KSR2: variants seen among roughly 807,000 people sequenced by gnomAD.
The protein encoded by KSR2 is kinase suppressor of ras 2.
KSR2 carries 25 observed loss-of-function variants against 107.8 expected under a neutral mutation model. That is an observed-to-expected ratio of 0.23 (90% CI 0.17 to 0.32). The LOEUF is 0.32. Among genes scored for constraint, KSR2 ranks in the 10% least tolerant of loss-of-function variants. The pLI, the probability that KSR2 is intolerant of heterozygous loss-of-function variation, is 1.00. For synonymous variants in KSR2, 480 were observed against 507.0 expected (o/e 0.95, Z 0.71); for missense variants, 887 against 1,268.9 (o/e 0.70, Z 4.57).
In KSR2 at chr12:117,855,415, G is replaced by A. The variant is rs12316128; in HGVS notation, c.472+13C>T. On this transcript the variant is annotated intron_variant, in intron 3 of 19. Transcript: ENST00000339824. ...GACAAGTCTCCACATCCCCGACCCC[G>A]GGGCCTGCTCACCTGACATGTGGAC... The A allele has an allele frequency of 2.5e-3, 3,978 of 1,613,864 alleles. 93 individuals are homozygous for A. The African/African-American group carries it at 0.047, about 19-fold the overall frequency.
intron 14 of KSR2, among the ~76,000 whole-genome samples, chr12:117,498,184 A>G (rs1356564862): frequency 6.6e-6 from 1 of 152,174 alleles, no homozygotes; most frequent in Non-Finnish European, 1.5e-5. Context: ...TAAGCTCGCC[A>G]GGAAAAGATG....
chr12:117,809,275 A>G (rs1891111702), intron 3 of KSR2, among the ~76,000 whole-genome samples: 3 of 152,058 alleles, frequency 2.0e-5, no homozygotes, highest in Admixed American at 1.3e-4. Context: ...AGGTTTCTCA[A>G]CTTTGACATT....
At chr12:117,820,124 A>G (rs1891512799) in intron 3 of KSR2, among the ~76,000 whole-genome samples, 1 of 152,258 alleles carries the variant, frequency 6.6e-6, no homozygotes, top group Non-Finnish European at 1.5e-5. Flanking sequence ...AATATCAAAA[A>G]GAGAAATGTT....
intron 9 of KSR2, among the ~76,000 whole-genome samples, chr12:117,549,378 TG>T (rs372374471): frequency 2.0e-5 from 3 of 152,126 alleles, no homozygotes; most frequent in African/African-American, 7.2e-5. Flanking sequence ...TTGAACTTGC[TG>T]GAAAATTTCA....
intron 3 of KSR2, among the ~76,000 whole-genome samples, chr12:117,764,690 C>T (rs1746386181): frequency 6.6e-6 from 1 of 152,188 alleles, no homozygotes; most frequent in Non-Finnish European, 1.5e-5. Context: ...CACATTAGCC[C>T]AGTGAGTAAG....
At chr12:117,499,912 A>T (rs150267108) in intron 14 of KSR2, among the ~76,000 whole-genome samples, 3 of 152,264 alleles carry the variant, frequency 2.0e-5, no homozygotes, top group Non-Finnish European at 4.4e-5. Flanking sequence ...GGCTGAGGAC[A>T]CTGGGAGGAG....
chr12:117,826,372 C>T (rs140934327), intron 3 of KSR2, among the ~76,000 whole-genome samples: 1 of 152,142 alleles, frequency 6.6e-6, no homozygotes, highest in Non-Finnish European at 1.5e-5. Flanking sequence ...GCTGTGGCAA[C>T]GTCCTGTTCC....
chr12:117,852,247 A>T (rs1205082570), intron 3 of KSR2, among the ~76,000 whole-genome samples: 1 of 149,226 alleles, frequency 6.7e-6, no homozygotes, highest in Non-Finnish European at 1.5e-5. Flanking sequence ...ACACGGTGAA[A>T]CCTCGTCTCT....
intron 4 of KSR2, among the ~76,000 whole-genome samples, chr12:117,705,356 G>A (rs570578106): frequency 6.6e-6 from 1 of 152,332 alleles, no homozygotes; most frequent in South Asian, 2.1e-4. Context: ...TTCTGGTTAT[G>A]CAGCAGGCCC....
intron 4 of KSR2, among the ~76,000 whole-genome samples, chr12:117,728,284 G>C (rs1367719013): frequency 6.6e-6 from 1 of 152,154 alleles, no homozygotes; most frequent in East Asian, 1.9e-4. Context: ...ATAAAGATAA[G>C]GGGCAAATAA....
intron 10 of KSR2, among the ~76,000 whole-genome samples, chr12:117,538,973 C>G (rs1876256215): frequency 1.3e-5 from 2 of 151,930 alleles, no homozygotes; most frequent in Admixed American, 6.6e-5. Context: ...TCTCGTCTAC[C>G]TGAAGGAAAA....
chr12:117,587,258 T>C (rs1334589405), intron 5 of KSR2, among the ~76,000 whole-genome samples: 1 of 152,134 alleles, frequency 6.6e-6, no homozygotes, highest in East Asian at 1.9e-4. Context: ...GATCTTGAGA[T>C]GGAGAAGTTA....
At chr12:117,599,382 T>C (rs1880814103) in intron 5 of KSR2, among the ~76,000 whole-genome samples, 2 of 152,216 alleles carry the variant, frequency 1.3e-5, no homozygotes, top group African/African-American at 4.8e-5. Flanking sequence ...CGTCAATTGC[T>C]GGATTCCTCC....
chr12:117,674,231 C>T, intron 4 of KSR2: 1 of 480,146 alleles, frequency 2.1e-6, no homozygotes, highest in Non-Finnish European at 4.2e-6. Flanking sequence ...GAGTTCATTA[C>T]TCTCCATCTC....
chr12:117,749,186 A>G (rs903280101), intron 4 of KSR2, among the ~76,000 whole-genome samples: 1 of 129,610 alleles, frequency 7.7e-6, no homozygotes. Context: ...TGACATGGGA[A>G]GCCCTCGGTG....
At chr12:117,825,923 A>ATGGGTGGG in intron 3 of KSR2, among the ~76,000 whole-genome samples, 1 of 58,318 alleles carries the variant, frequency 1.7e-5, no homozygotes, top group Non-Finnish European at 3.2e-5. Flanking sequence ...GGATGGGTGG[A>ATGGGTGGG]TGGGTGGGTG....
At chr12:117,703,435 G>T (rs1254859165) in intron 4 of KSR2, among the ~76,000 whole-genome samples, 1 of 151,984 alleles carries the variant, frequency 6.6e-6, no homozygotes, top group Non-Finnish European at 1.5e-5. Context: ...TCCCTCAGTT[G>T]CCTCCCCCTG....
intron 4 of KSR2, among the ~76,000 whole-genome samples, chr12:117,684,666 T>C (rs1885496044): frequency 6.6e-6 from 1 of 152,164 alleles, no homozygotes; most frequent in Non-Finnish European, 1.5e-5. Flanking sequence ...CTCATACAAA[T>C]GCCTATGTCA....
intron 4 of KSR2, among the ~76,000 whole-genome samples, chr12:117,709,533 G>A (rs756709329): frequency 2.0e-5 from 3 of 151,924 alleles, no homozygotes; most frequent in Non-Finnish European, 4.4e-5. Context: ...TATCTTGCTC[G>A]GCCTGCTCAG....
Sources: gnomAD v4.1 joint callset for allele counts (sites outside exome capture counted in the v4.1 genomes callset) on GRCh38, gnomAD v4.1.1 for gene constraint, MANE v1.5 for transcripts, NCBI Gene and HGNC (gene_info 2026-07-23, HGNC 2026-07-21) for gene names.